The following VSIG10 variants were observed in gnomAD, a reference collection of about 807,000 sequenced individuals.
VSIG10 encodes the protein V-set and immunoglobulin domain-containing protein 10.
VSIG10 carries 48 observed loss-of-function variants against 58.7 expected under a neutral mutation model. The ratio of observed to expected loss-of-function variants is 0.82; its 90% CI spans 0.65 to 1.04. The LOEUF (loss-of-function observed/expected upper bound fraction) is 1.04. VSIG10 is among the 50% of genes least tolerant of loss of function. VSIG10 has a pLI of 0.00. For missense variants in VSIG10, 628 were observed against 670.0 expected (o/e 0.94, Z 0.69); for synonymous variants, 260 against 267.1 (o/e 0.97, Z 0.26).
At chr12:118,074,109 G>A in intron 4 of VSIG10, 117 bp from the exon 5 acceptor site, 1 of 1,041,408 alleles carries the variant, frequency 9.6e-7, no homozygotes. Flanking sequence ...TGAGATGGAG[G>A]TTTTGCTCTG....
At chr12:118,094,437 G>A (rs2033386025) in intron 2 of VSIG10, among the ~76,000 whole-genome samples, 1 of 152,044 alleles carries the variant, frequency 6.6e-6, no homozygotes, top group Non-Finnish European at 1.5e-5. Context: ...AGGCTGGAGT[G>A]CAGTGGCACG....
rs2033422559 is a variant in VSIG10, at chr12:118,095,515, C to T, written c.361+18G>A. 2 of 1,613,120 alleles carry T rather than the reference C, an allele frequency of 1.2e-6. No individual in the cohort carries two copies. Among genetic ancestry groups the T allele is most frequent in the African/African-American group, 1.3e-5 (1 of 74,900 alleles). On this transcript the variant is annotated intron_variant, in intron 2 of 8. Transcript: ENST00000359236. The stretch of plus-strand genomic sequence containing the variant: ...TCCGAGCACCTCTCCAGCCCCGGTC[C>T]CTGCCAGCCCCACTTACTGGCCACC...
rs1178715102 is a variant in VSIG10, at chr12:118,064,688, C to G, written c.*1951G>C. The stretch of plus-strand genomic sequence containing the variant: ...GACAAAAAGCAAAAAGCCAGTAGAC[C>G]TGCAATTCACAGCTATTCCTGAGGG... On this transcript the variant is annotated 3_prime_UTR_variant, in exon 9 of 9. Transcript: ENST00000359236. 6.6e-6 allele frequency: 1 copy of G among 152,210 alleles called. No individual in the cohort carries two copies. Among genetic ancestry groups the G allele is most frequent in the African/African-American group, 2.4e-5 (1 of 41,446 alleles). 9.4% of individuals were successfully genotyped at this position (152,210 alleles called of 1,614,324 possible). A position where few individuals can be genotyped will look rare whatever the true frequency, so the allele number is the denominator to read the frequency against.
intron 3 of VSIG10, among the ~76,000 whole-genome samples, chr12:118,081,077 C>T (rs1360133185): frequency 2.0e-5 from 3 of 151,720 alleles, no homozygotes; most frequent in Admixed American, 2.0e-4. Flanking sequence ...CCTGTCTCTA[C>T]TAAAAATAGA....
At chr12:118,067,132 C>T (rs991633336) in intron 8 of VSIG10, among the ~76,000 whole-genome samples, 9 of 151,998 alleles carry the variant, frequency 5.9e-5, no homozygotes, top group Non-Finnish European at 1.2e-4. Flanking sequence ...TCAGGTGATT[C>T]TCCCACCTCA....
chr12:118,066,706 G>T lies in VSIG10; in HGVS notation c.1568-12C>A, dbSNP rs754356499. The stretch of plus-strand genomic sequence containing the variant: ...CTCACTGCTGTCATCTGTATGGGGG[G>T]AAATAAACCCAATGCTTTGTAATCA... On this transcript the variant is annotated splice_polypyrimidine_tract_variant and intron_variant, in intron 8 of 8. Transcript: ENST00000359236. The T allele has an allele frequency of 6.3e-7, 1 of 1,588,578 alleles. No homozygotes were observed. The highest frequency in any genetic ancestry group is 2.3e-5 in the East Asian group (1 of 43,958).
Position 118,075,212 on chromosome 12 carries a change from A to ATG in VSIG10, c.926-1222_926-1221dup, listed in dbSNP as rs1298810053. The stretch of plus-strand genomic sequence containing the variant: ...TATATATATGTGTGTGTGTGTATAT[A>ATG]TGTGTGTGTGTGTATATATATATAT... On this transcript the variant is annotated intron_variant, in intron 4 of 8. Transcript: ENST00000359236. Among the ~76,000 whole-genome samples the ATG allele has an allele frequency of 4.1e-4, 61 of 149,972 alleles. 2 individuals are homozygous for ATG. Among genetic ancestry groups the ATG allele is most frequent in the South Asian group, 2.7e-3 (13 of 4,770 alleles).
intron 2 of VSIG10, among the ~76,000 whole-genome samples, chr12:118,086,280 T>C (rs1358919487): frequency 1.3e-5 from 2 of 151,688 alleles, no homozygotes; most frequent in Non-Finnish European, 2.9e-5. Context: ...CTGGGCAATA[T>C]GGCAAAACAA....
chr12:118,078,308 G>A (rs561157103), intron 4 of VSIG10, among the ~76,000 whole-genome samples: 15 of 151,976 alleles, frequency 9.9e-5, no homozygotes, highest in African/African-American at 2.7e-4. Flanking sequence ...ACAGGCATGC[G>A]CCACCACGCC....
Position 118,103,641 on chromosome 12 carries a change from G to A in VSIG10, c.31C>T (p.Arg11Cys). ...AGCGCCCCGAGGCAGACGAGGACGCGGGGCTCGGGCGCACTGCCGCCTGCG... is the reference window on the plus strand; with the variant it reads ...AGCGCCCCGAGGCAGACGAGGACGCAGGGCTCGGGCGCACTGCCGCCTGCG... The part of the protein sequence containing the change: MAAGGSAPEP[R>C]VLVCLGALLA... The change falls in exon 1 of 9, where the codon CGC (arginine) becomes TGC (cysteine). Residue 11 changes from arginine to cysteine, a missense_variant. Transcript: ENST00000359236. 11 of 1,507,008 alleles carry A rather than the reference G, an allele frequency of 7.3e-6. No individual in the cohort carries two copies. The highest frequency in any genetic ancestry group is 9.7e-6 in the Non-Finnish European group (11 of 1,133,700). 93.4% of individuals were successfully genotyped at this position (1,507,008 alleles called of 1,614,324 possible). A position where few individuals can be genotyped will look rare whatever the true frequency, so the allele number is the denominator to read the frequency against.
chr12:118,075,020 C>G (rs559630650), intron 4 of VSIG10, among the ~76,000 whole-genome samples: 8 of 151,490 alleles, frequency 5.3e-5, no homozygotes, highest in Admixed American at 2.0e-4. Flanking sequence ...TTGTTAATCT[C>G]TTATTGTGCC....
rs368629849 is a variant in VSIG10 at position 118,069,090 on chromosome 12, CT to C, written c.1347-494del. ...ACTTTGCATTTCAGACTATACATTT[CT>C]TTTTTTTTTCTTTTTCGGGATAGAG... On this transcript the variant is annotated intron_variant, in intron 7 of 8. Coordinates refer to ENST00000359236, the MANE Select transcript of VSIG10 (RefSeq NM_019086.6). 8.0e-5 allele frequency among the ~76,000 whole-genome samples: 12 copies of C among 149,688 alleles called. No individual in the cohort carries two copies. In the Middle Eastern group the frequency reaches 0.01, roughly 131 times the overall value.
chr12:118,097,098 T>C (rs2033483813), intron 1 of VSIG10, among the ~76,000 whole-genome samples: 1 of 152,146 alleles, frequency 6.6e-6, no homozygotes, highest in South Asian at 2.1e-4. Flanking sequence ...GTTGGGACTC[T>C]TGGCCAGTCA....
At chr12:118,071,903 C>T (rs891827628) in intron 5 of VSIG10, among the ~76,000 whole-genome samples, 19 of 152,374 alleles carry the variant, frequency 1.2e-4, no homozygotes, top group Admixed American at 9.1e-4. Flanking sequence ...GGCGCAGTGG[C>T]GCATGCCTGT....
chr12:118,084,177 C>T (rs1285758322), intron 2 of VSIG10, among the ~76,000 whole-genome samples: 1 of 152,262 alleles, frequency 6.6e-6, no homozygotes, highest in African/African-American at 2.4e-5. Flanking sequence ...GAACAATCTA[C>T]AGCTGCTGCC....
intron 2 of VSIG10, 21 bp downstream of exon 2, chr12:118,095,512 G>C (rs1396246451): frequency 1.2e-6 from 2 of 1,612,978 alleles, no homozygotes; most frequent in African/African-American, 2.7e-5. Flanking sequence ...TCCAGCCCCG[G>C]TCCCTGCCAG....
intron 2 of VSIG10, among the ~76,000 whole-genome samples, chr12:118,095,327 C>A (rs1212499083): frequency 2.6e-5 from 4 of 152,216 alleles, no homozygotes; most frequent in African/African-American, 4.8e-5. Context: ...AGGCATGAGC[C>A]ACTGCGCCCG....
chr12:118,074,773 C>T (rs376562109), intron 4 of VSIG10, among the ~76,000 whole-genome samples: 6 of 152,168 alleles, frequency 3.9e-5, no homozygotes, highest in African/African-American at 9.7e-5. Context: ...GCCACCGTGC[C>T]GGGCCAATTC....
intron 2 of VSIG10, among the ~76,000 whole-genome samples, chr12:118,093,497 C>T (rs2033358683): frequency 6.6e-6 from 1 of 152,030 alleles, no homozygotes; most frequent in African/African-American, 2.4e-5. Flanking sequence ...GCATGAGCCA[C>T]AGCACCCGGC....
Sources: gnomAD v4.1 joint callset for allele counts (sites outside exome capture counted in the v4.1 genomes callset) on GRCh38, gnomAD v4.1.1 for gene constraint, MANE v1.5 for transcripts, NCBI Gene and HGNC (gene_info 2026-07-23, HGNC 2026-07-21) for gene names.